The following ARL8B variants were observed in gnomAD, a reference collection of about 807,000 sequenced individuals.
The protein encoded by ARL8B is ADP-ribosylation factor-like protein 8B.
In ARL8B, 9 loss-of-function variants were observed where a neutral mutation model predicts 30.6. That is an observed-to-expected ratio of 0.29 (90% CI 0.18 to 0.51). The LOEUF is 0.51. ARL8B is among the 20% of genes least tolerant of loss of function. The pLI, the probability that ARL8B is intolerant of heterozygous loss-of-function variation, is 0.97. For synonymous variants in ARL8B, 74 were observed against 76.0 expected (o/e 0.97, Z 0.14); for missense variants, 130 against 227.2 (o/e 0.57, Z 2.75).
chr3:5,174,296 A>G (rs778187488), intron 5 of ARL8B, 48 bp from the exon 6 acceptor site: 1 of 1,296,026 alleles, frequency 7.7e-7, no homozygotes, highest in South Asian at 1.2e-5. Context: ...AGTGATAAGT[A>G]TGACAGCTGT....
intron 1 of ARL8B, among the ~76,000 whole-genome samples, chr3:5,138,841 C>T (rs2054348845): frequency 6.6e-6 from 1 of 152,198 alleles, no homozygotes; most frequent in Non-Finnish European, 1.5e-5. Context: ...ATGTCGAAAG[C>T]ACTGACTGGA....
intron 1 of ARL8B, among the ~76,000 whole-genome samples, chr3:5,160,829 T>C (rs2054574021): frequency 6.6e-6 from 1 of 152,252 alleles, no homozygotes; most frequent in African/African-American, 2.4e-5. Context: ...GTTGTTCCCA[T>C]TCAAAAAGAA....
intron 1 of ARL8B, among the ~76,000 whole-genome samples, chr3:5,159,491 A>G (rs535613588): frequency 6.6e-6 from 1 of 150,898 alleles, no homozygotes; most frequent in South Asian, 2.1e-4. Context: ...AATTCCAGCT[A>G]CTTGGGAGGC....
intron 1 of ARL8B, chr3:5,157,054 T>C (rs80269892): frequency 0.069 from 10,452 of 152,348 alleles, 412 homozygotes; most frequent in East Asian, 0.13. Flanking sequence ...TTATTTTGTT[T>C]TGTTATAGCA....
At chr3:5,167,541 T>C (rs1348431634) in intron 1 of ARL8B, among the ~76,000 whole-genome samples, 2 of 152,204 alleles carry the variant, frequency 1.3e-5, no homozygotes, top group Non-Finnish European at 2.9e-5. Context: ...CTTACTTTTA[T>C]TTTTCTACTC....
chr3:5,135,176 C>T (rs901475439), intron 1 of ARL8B, among the ~76,000 whole-genome samples: 2 of 152,162 alleles, frequency 1.3e-5, no homozygotes, highest in African/African-American at 4.8e-5. Flanking sequence ...GGCTAGTTAA[C>T]ATATAGTTCC....
chr3:5,134,297 A>C (rs76614035), intron 1 of ARL8B, among the ~76,000 whole-genome samples: 1 of 152,222 alleles, frequency 6.6e-6, no homozygotes, highest in East Asian at 1.9e-4. Context: ...GGCTATCTTG[A>C]TTTATTTGTG....
chr3:5,155,491 G>A (rs2054523959), intron 1 of ARL8B, among the ~76,000 whole-genome samples: 1 of 151,992 alleles, frequency 6.6e-6, no homozygotes. Flanking sequence ...TTATGTCTCT[G>A]CCTCCTATTA....
intron 1 of ARL8B, among the ~76,000 whole-genome samples, chr3:5,137,437 C>CTTT (rs368417212): frequency 2.3e-5 from 3 of 132,712 alleles, no homozygotes; most frequent in Non-Finnish European, 1.6e-5. Flanking sequence ...TTAATTTTCT[C>CTTT]TTTTTTTTTT....
chr3:5,165,033 C>T (rs1026484559), intron 1 of ARL8B, among the ~76,000 whole-genome samples: 4 of 152,156 alleles, frequency 2.6e-5, no homozygotes, highest in Non-Finnish European at 4.4e-5. Flanking sequence ...GGTATGGTGT[C>T]TGTAGGCACA....
chr3:5,127,457 C>T (rs1465598353), intron 1 of ARL8B, among the ~76,000 whole-genome samples: 1 of 152,142 alleles, frequency 6.6e-6, no homozygotes, highest in African/African-American at 2.4e-5. Flanking sequence ...CTGTGTGTCT[C>T]TCTAGAGAGA....
Position 5,172,240 on chromosome 3 carries a change from T to TG in ARL8B, c.278+18dup. 6.2e-7 allele frequency: 1 copy of TG among 1,600,290 alleles called. No individual in the cohort carries two copies. Among genetic ancestry groups the TG allele is most frequent in the South Asian group, 1.1e-5 (1 of 88,012 alleles). On this transcript the variant is annotated intron_variant, in intron 3 of 6. Coordinates refer to ENST00000256496, the MANE Select transcript of ARL8B (RefSeq NM_018184.3). ...TGCTATTGTGTAAGTGGTTTTTTTT[T>TG]GTTTGTTTGCTTTTAAATCAATGTA...
At chr3:5,149,471 TAGGC>T (rs1228117382) in intron 1 of ARL8B, among the ~76,000 whole-genome samples, 2 of 149,556 alleles carry the variant, frequency 1.3e-5, no homozygotes, top group African/African-American at 5.1e-5. Context: ...CCGTGTGTGG[TAGGC>T]AGGCACACCT....
intron 1 of ARL8B, among the ~76,000 whole-genome samples, chr3:5,126,800 T>C (rs1166279338): frequency 2.6e-5 from 4 of 152,242 alleles, no homozygotes; most frequent in African/African-American, 7.2e-5. Flanking sequence ...TTTCCATTGC[T>C]AACTGTTCTG....
At chr3:5,128,745 A>G (rs2054254642) in intron 1 of ARL8B, among the ~76,000 whole-genome samples, 1 of 152,210 alleles carries the variant, frequency 6.6e-6, no homozygotes, top group Admixed American at 6.5e-5. Flanking sequence ...AAGGTAGAAG[A>G]AGCCACTTAT....
At chr3:5,126,486 A>G (rs1423081915) in intron 1 of ARL8B, among the ~76,000 whole-genome samples, 2 of 152,214 alleles carry the variant, frequency 1.3e-5, no homozygotes, top group South Asian at 2.1e-4. Context: ...ATGTCACTAC[A>G]TGTGCCTTAA....
In ARL8B at chr3:5,170,525, T is replaced by G; in HGVS notation, c.146T>G (p.Met49Arg). The G allele has an allele frequency of 6.2e-7, 1 of 1,612,900 alleles. No individual in the cohort carries two copies. The change falls in exon 2 of 7, where the codon ATG becomes AGG. Residue 49 changes from methionine to arginine, a missense_variant. By Grantham distance (91) the Met-to-Arg change is moderately conservative. Transcript: ENST00000256496. ...VIASGQFSED[M>R]IPTVGFNMRK... Reference sequence around the variant, plus strand: ...CAGTCAGGTCAATTCAGTGAAGATATGATACCCACAGTGGGCTTCAACATG... The same window carrying G: ...CAGTCAGGTCAATTCAGTGAAGATAGGATACCCACAGTGGGCTTCAACATG...
At chr3:5,143,702 C>T (rs1356138312) in intron 1 of ARL8B, among the ~76,000 whole-genome samples, 1 of 152,242 alleles carries the variant, frequency 6.6e-6, no homozygotes, top group Non-Finnish European at 1.5e-5. Context: ...TCTTAATCAG[C>T]ACCAAGTCAC....
chr3:5,159,534 G>T (rs1206982954), intron 1 of ARL8B, among the ~76,000 whole-genome samples: 2 of 149,826 alleles, frequency 1.3e-5, no homozygotes, highest in Non-Finnish European at 3.0e-5. Context: ...CCTGGGAGGT[G>T]GAGTTTGGGG....
Sources: allele counts gnomAD v4.1 joint callset (sites outside exome capture counted in the v4.1 genomes callset), GRCh38; gene constraint gnomAD v4.1.1; transcripts MANE v1.5; gene names NCBI Gene and HGNC (gene_info 2026-07-23, HGNC 2026-07-21).